Variants in RHOT1 observed in about 807,000 individuals in gnomAD.
The protein encoded by RHOT1 is mitochondrial Rho GTPase 1.
In RHOT1, 27 loss-of-function variants were observed where a neutral mutation model predicts 95.3. That is an observed-to-expected ratio of 0.28 (90% CI 0.21 to 0.39). The LOEUF is 0.39. Ranked by LOEUF, RHOT1 falls within the 10% of genes least tolerant of loss-of-function variation. The pLI is 1.00. For missense variants in RHOT1, 578 were observed against 786.7 expected, an observed-to-expected ratio of 0.73 and a Z score of 3.17; for synonymous variants, 227 against 263.5, an observed-to-expected ratio of 0.86 and a Z score of 1.34.
intron 1 of RHOT1, among the ~76,000 whole-genome samples, chr17:32,168,310 C>A (rs1163245130): frequency 3.3e-5 from 5 of 152,040 alleles, no homozygotes; most frequent in African/African-American, 1.2e-4. Flanking sequence ...CCATGTCACC[C>A]CGGCTGGAGT....
At chr17:32,175,703 C>T (rs557448582) in intron 4 of RHOT1, among the ~76,000 whole-genome samples, 2 of 152,218 alleles carry the variant, frequency 1.3e-5, no homozygotes, top group Non-Finnish European at 2.9e-5. Context: ...TGATACACCC[C>T]GTCCCTTTTT....
intron 19 of RHOT1, among the ~76,000 whole-genome samples, chr17:32,221,982 T>C (rs1046487312): frequency 6.6e-6 from 1 of 152,214 alleles, no homozygotes; most frequent in Non-Finnish European, 1.5e-5. Flanking sequence ...GAAACAGATA[T>C]CTATATTTGA....
intron 8 of RHOT1, among the ~76,000 whole-genome samples, chr17:32,184,925 T>G (rs1256921972): frequency 6.6e-6 from 1 of 151,934 alleles, no homozygotes; most frequent in Non-Finnish European, 1.5e-5. Context: ...GAACACTTGT[T>G]TGCTTTTTTT....
At chr17:32,165,909 G>A (rs556185280) in intron 1 of RHOT1, among the ~76,000 whole-genome samples, 1 of 152,084 alleles carries the variant, frequency 6.6e-6, no homozygotes, top group Non-Finnish European at 1.5e-5. Flanking sequence ...TATAGGCTAG[G>A]TGTGGTGGTG....
At chr17:32,205,001 A>C (rs1355274656) in intron 16 of RHOT1, among the ~76,000 whole-genome samples, 1 of 151,094 alleles carries the variant, frequency 6.6e-6, no homozygotes, top group Non-Finnish European at 1.5e-5. Flanking sequence ...AAAAAAGTCG[A>C]AAAAACTGAA....
intron 1 of RHOT1, chr17:32,160,509 G>C (rs2033436114): frequency 6.6e-6 from 1 of 152,348 alleles, no homozygotes; most frequent in Non-Finnish European, 1.5e-5. Flanking sequence ...AGAGTGTAGA[G>C]AAGGAGAGAA....
intron 1 of RHOT1, among the ~76,000 whole-genome samples, chr17:32,149,552 G>C (rs2031895188): frequency 7.0e-6 from 1 of 142,252 alleles, no homozygotes; most frequent in South Asian, 2.2e-4. Flanking sequence ...TCAGCACTTT[G>C]GGAGGCCGAG....
intron 3 of RHOT1, among the ~76,000 whole-genome samples, chr17:32,174,317 TG>T (rs572399426): frequency 5.9e-5 from 9 of 152,238 alleles, no homozygotes; most frequent in Non-Finnish European, 1.2e-4. Flanking sequence ...TTGGGTTAAA[TG>T]AAAATTTAAT....
chr17:32,206,898 T>G lies in RHOT1; in HGVS notation c.1417-12T>G, dbSNP rs1478979108. 6.5e-7 allele frequency: 1 copy of G among 1,544,478 alleles called. No homozygotes were observed. Among genetic ancestry groups the G allele is most frequent in the African/African-American group, 1.4e-5 (1 of 72,064 alleles). On this transcript the variant is annotated splice_polypyrimidine_tract_variant and intron_variant, in intron 16 of 19. Coordinates refer to ENST00000545287, the MANE Select transcript of RHOT1 (RefSeq NM_001033566.3). Reference sequence around the variant, plus strand: ...GATACTTATATTTTTCATTATCTTTTTCTTTTACAAGTTGCATGATATCTC... The same window carrying G: ...GATACTTATATTTTTCATTATCTTTGTCTTTTACAAGTTGCATGATATCTC...
At position 32,216,497 on chromosome 17, in the gene RHOT1, T is replaced by C. The variant is rs1598468739; in HGVS notation, c.1862+5259T>C. Among the ~76,000 whole-genome samples the C allele has an allele frequency of 3.3e-5, 5 of 152,288 alleles. No homozygotes were observed. The South Asian group carries it at 1.0e-3, about 32-fold the overall frequency. On this transcript the variant is annotated intron_variant, in intron 19 of 19. Transcript: ENST00000545287. ...CATTTTATTTTGACAACCAAGTGCA[T>C]AGTTCACACCGAATATTTACAGAGA...
At chr17:32,166,849 T>C (rs2034129774) in intron 1 of RHOT1, among the ~76,000 whole-genome samples, 1 of 152,158 alleles carries the variant, frequency 6.6e-6, no homozygotes, top group Non-Finnish European at 1.5e-5. Flanking sequence ...CATGTGAGGG[T>C]TGGAACCAAC....
At chr17:32,206,675 G>T (rs112731363) in intron 16 of RHOT1, among the ~76,000 whole-genome samples, 1,673 of 151,716 alleles carry the variant, frequency 0.011, 30 homozygotes, top group African/African-American at 0.038. Flanking sequence ...TGCTGGTCTC[G>T]AACTCCTGAC....
chr17:32,149,888 A>G (rs1019498491), intron 1 of RHOT1, among the ~76,000 whole-genome samples: 3 of 151,780 alleles, frequency 2.0e-5, no homozygotes, highest in African/African-American at 7.3e-5. Context: ...AGCTGGGATT[A>G]TAGGCATGTG....
intron 8 of RHOT1, among the ~76,000 whole-genome samples, chr17:32,183,584 A>G (rs1424961887): frequency 1.3e-5 from 2 of 152,248 alleles, no homozygotes; most frequent in African/African-American, 4.8e-5. Flanking sequence ...TTTTGCTACT[A>G]TAAAATCTAC....
chr17:32,159,534 G>C (rs1254812618), intron 1 of RHOT1: 1 of 152,380 alleles, frequency 6.6e-6, no homozygotes, highest in Non-Finnish European at 1.5e-5. Context: ...AAGGGGCCCA[G>C]GAAGCCTGTG....
chr17:32,203,815 C>T, intron 15 of RHOT1, 75 bp from the exon 16 acceptor site: 1 of 996,868 alleles, frequency 1.0e-6, no homozygotes. Flanking sequence ...CACACCTGCA[C>T]ATATACACAG....
At chr17:32,168,940 C>T (rs934035243) in intron 1 of RHOT1, among the ~76,000 whole-genome samples, 5 of 152,096 alleles carry the variant, frequency 3.3e-5, no homozygotes, top group African/African-American at 1.2e-4. Flanking sequence ...GATGGATTCA[C>T]GGACATCATC....
intron 1 of RHOT1, among the ~76,000 whole-genome samples, chr17:32,157,701 G>T (rs550850806): frequency 6.6e-6 from 1 of 152,164 alleles, no homozygotes; most frequent in Non-Finnish European, 1.5e-5. Context: ...CTACTCAGAA[G>T]GCTGAGAGAC....
intron 1 of RHOT1, among the ~76,000 whole-genome samples, chr17:32,168,677 T>C (rs2034319056): frequency 6.6e-6 from 1 of 151,024 alleles, no homozygotes; most frequent in South Asian, 2.1e-4. Flanking sequence ...ATTATTCTGA[T>C]GCATGGCTTT....
Sources: gnomAD v4.1 joint callset for allele counts (sites outside exome capture counted in the v4.1 genomes callset) on GRCh38, gnomAD v4.1.1 for gene constraint, MANE v1.5 for transcripts, NCBI Gene and HGNC (gene_info 2026-07-23, HGNC 2026-07-21) for gene names.